The following SYMPK variants were observed in gnomAD, a reference collection of about 807,000 sequenced individuals.
SYMPK encodes the protein symplekin scaffold protein, also known as symplekin.
A neutral mutation model predicts 136.4 loss-of-function variants in SYMPK; 49 were observed. The observed-to-expected ratio is 0.36, with a 90% CI of 0.29 to 0.46. The LOEUF (loss-of-function observed/expected upper bound fraction) is 0.46, where lower values mean the gene tolerates loss of function less well. Ranked by LOEUF, SYMPK falls within the 20% of genes least tolerant of loss-of-function variation. SYMPK has a pLI of 1.00. For synonymous variants in SYMPK, 766 were observed against 713.0 expected, an observed-to-expected ratio of 1.07 and a Z score of -1.19; for missense variants, 1,365 against 1,690.0, an observed-to-expected ratio of 0.81 and a Z score of 3.37.
intron 7 of SYMPK, among the ~76,000 whole-genome samples, chr19:45,844,403 T>C (rs1480739566): frequency 6.6e-6 from 1 of 152,220 alleles, no homozygotes; most frequent in African/African-American, 2.4e-5. Flanking sequence ...CTAGACGCAG[T>C]GGCTCATGCC....
intron 22 of SYMPK, chr19:45,820,075 G>A (rs1032785088): frequency 2.6e-5 from 4 of 152,324 alleles, no homozygotes; most frequent in Non-Finnish European, 5.9e-5. Context: ...AGGATCTTCA[G>A]GGGCCTGGCT....
chr19:45,816,210 G>T, intron 25 of SYMPK, 27 bp from the exon 26 acceptor site: 1 of 1,449,492 alleles, frequency 6.9e-7, no homozygotes, highest in Non-Finnish European at 9.2e-7. Flanking sequence ...CCACACAGAA[G>T]CTCAGAGGTG....
chr19:45,852,538 G>A lies in SYMPK; in HGVS notation c.172-3C>T, dbSNP rs201969864. The A allele has an allele frequency of 1.3e-4, 214 of 1,614,028 alleles. No homozygotes were observed. Among genetic ancestry groups the A allele is most frequent in the Non-Finnish European group, 1.6e-4 (194 of 1,180,038 alleles). ...TTGTTGATGATCAGCTCCTGGACCT[G>A]GAAGGAGATTGGGGGTGGGGAGGAG... is the stretch of plus-strand genomic sequence containing the variant. On this transcript the variant is annotated splice_region_variant and splice_polypyrimidine_tract_variant and intron_variant, in intron 3 of 26. Transcript: ENST00000245934.
chr19:45,831,544 TCTC>T lies in SYMPK; in HGVS notation c.1435_1437del (p.Glu479del). ...AGGACGCTCTCTGTCTTCACCACCT[TCTC>T]CTCCTTGGGCTCCTCCTTGCACTGT... On this transcript the variant is annotated inframe_deletion, in exon 12 of 27. Transcript: ENST00000245934. 6.2e-7 allele frequency: 1 copy of T among 1,610,846 alleles called. No homozygotes were observed. The highest frequency in any genetic ancestry group is 8.5e-7 in the Non-Finnish European group (1 of 1,178,954).
intron 1 of SYMPK, among the ~76,000 whole-genome samples, chr19:45,861,404 T>TA (rs999893345): frequency 6.6e-6 from 1 of 151,688 alleles, no homozygotes; most frequent in African/African-American, 2.4e-5. Context: ...AAAATGAAAA[T>TA]AAAAAAACCC....
chr19:45,835,233 G>A lies in SYMPK; in HGVS notation c.1243-5C>T. On this transcript the variant is annotated splice_region_variant and splice_polypyrimidine_tract_variant and intron_variant, in intron 10 of 26. Transcript: ENST00000245934. ...GTACACCATGCTGATGAGGACCTGT[G>A]GGATGCCCAGGAAGAGAGCCTCTCC... is the stretch of plus-strand genomic sequence containing the variant. 1 of 1,580,980 alleles carries A rather than the reference G, an allele frequency of 6.3e-7. No homozygotes were observed. Among genetic ancestry groups the A allele is most frequent in the African/African-American group, 1.4e-5 (1 of 73,820 alleles).
chr19:45,821,645 C>T lies in SYMPK; in HGVS notation c.2792-160G>A, dbSNP rs536191698. On this transcript the variant is annotated intron_variant, in intron 21 of 26. Coordinates refer to ENST00000245934, the MANE Select transcript of SYMPK (RefSeq NM_004819.3). The surrounding 1 kb of genome is among the most constrained non-coding windows in gnomAD (Gnocchi z 4.4). ...AGCGACTGACAACATAAAAAGGGGA[C>T]ACCGAAGGCAGCAGCAGCCCTCAGG... Among the ~76,000 whole-genome samples, 5 of 152,296 alleles carry T rather than the reference C, an allele frequency of 3.3e-5. No homozygotes were observed. The highest frequency in any genetic ancestry group is 3.3e-4 in the Admixed American group (5 of 15,296).
At position 45,830,033 on chromosome 19, in the gene SYMPK, T is replaced by TG. The variant is rs1448416154; in HGVS notation, c.1749+20dup. 3.9e-6 allele frequency: 6 copies of TG among 1,532,258 alleles called. No homozygotes were observed. The South Asian group carries it at 6.0e-5, about 15-fold the overall frequency. The allele number at this position is 1,532,258 out of a possible 1,614,324, so 94.9% of individuals were successfully genotyped here. The stretch of plus-strand genomic sequence containing the variant: ...GGGTAGAGGGACTGGAAGGATGGGG[T>TG]GGGGGGTGGCAGGCGCACACCTGGG... On this transcript the variant is annotated intron_variant, in intron 13 of 26. Transcript: ENST00000245934.
chr19:45,830,695 C>T (rs1452788342), intron 12 of SYMPK: 1 of 153,140 alleles, frequency 6.5e-6, no homozygotes, highest in African/African-American at 2.4e-5. Flanking sequence ...CGAGACCATC[C>T]TGGTTAACAC....
intron 8 of SYMPK, 73 bp downstream of exon 8, chr19:45,843,942 CAAAAAAAAAAAAAAA>C (rs57025339): frequency 2.4e-5 from 6 of 245,004 alleles, no homozygotes; most frequent in African/African-American, 1.6e-4. Flanking sequence ...GACTCTGTCT[CAAAAAAAAAAAAAAA>C]AAAAAAAAAA....
chr19:45,816,194 G>A lies in SYMPK; in HGVS notation c.3355-11C>T, dbSNP rs1339373901. ...GGGCTCCAGATCATCCTGGGGATAG[G>A]GAGGGCCACACAGAAGCTCAGAGGT... On this transcript the variant is annotated splice_polypyrimidine_tract_variant and intron_variant, in intron 25 of 26. Coordinates refer to ENST00000245934, the MANE Select transcript of SYMPK (RefSeq NM_004819.3). 47 of 1,505,084 alleles carry A rather than the reference G, an allele frequency of 3.1e-5. No individual in the cohort carries two copies. In the East Asian group the frequency reaches 9.8e-4, roughly 31 times the overall value. The allele number at this position is 1,505,084 out of a possible 1,614,324, so 93.2% of individuals were successfully genotyped here.
chr19:45,827,963 G>A (rs373089945), intron 14 of SYMPK, 45 bp from the exon 15 acceptor site: 252 of 1,585,454 alleles, frequency 1.6e-4, no homozygotes, highest in East Asian at 7.4e-4. Context: ...GGAAGAGGCC[G>A]CCTGGCTCCC....
In SYMPK at chr19:45,854,205, G is replaced by A. The variant is rs977161212; in HGVS notation, c.141C>T (p.Thr47=). Residue 47 remains threonine, a synonymous_variant, in exon 3 of 27, where the codon ACC becomes ACT. Transcript: ENST00000245934. ...TGAGCACTGTGATCTTTGAGTCATT[G>A]GTGATCAGCGCCGCCTGGTTCAGAA... is the stretch of plus-strand genomic sequence containing the variant. ...VDLLNQAALI[T]NDSKITVLKQ... The A allele has an allele frequency of 7.4e-6, 12 of 1,614,156 alleles. No homozygotes were observed. Among genetic ancestry groups the A allele is most frequent in the Non-Finnish European group, 9.3e-6 (11 of 1,180,024 alleles).
intron 5 of SYMPK, 24 bp downstream of exon 5, chr19:45,852,288 G>A (rs146858002): frequency 9.0e-5 from 146 of 1,614,026 alleles, no homozygotes; most frequent in South Asian, 1.1e-4. Flanking sequence ...GAATGCTCCC[G>A]GGGCTCCGTG....
rs1301567797 is a variant in SYMPK, at chr19:45,838,536, G to A, written c.1167C>T (p.Ile389=). Residue 389 remains isoleucine (I), a synonymous_variant, in exon 10 of 27, where the codon ATC becomes ATT. Transcript: ENST00000245934. The part of the protein sequence containing the change: ...PSGTSKASAQ[I]SGQSDTDITA... ...TGATGTCCGTGTCTGACTGGCCGGAGATCTGCGCTGAGGCCTTCGAGGTCC... is the reference window on the plus strand; with the variant it reads ...TGATGTCCGTGTCTGACTGGCCGGAAATCTGCGCTGAGGCCTTCGAGGTCC... The A allele has an allele frequency of 6.2e-7, 1 of 1,614,034 alleles. No homozygotes were observed. The highest frequency in any genetic ancestry group is 1.3e-5 in the African/African-American group (1 of 74,922).
intron 25 of SYMPK, 87 bp downstream of exon 25, chr19:45,816,395 T>G: frequency 6.7e-7 from 1 of 1,485,868 alleles, no homozygotes; most frequent in Admixed American, 2.3e-5. Context: ...TCTCTCGGGG[T>G]CAGGAGGAGG....
intron 24 of SYMPK, 109 bp from the exon 25 acceptor site, chr19:45,816,686 G>A: frequency 2.6e-6 from 4 of 1,523,006 alleles, no homozygotes; most frequent in Non-Finnish European, 2.6e-6. Flanking sequence ...AGCAGTGCAG[G>A]GCCTTCTTGT....
rs138024159 is a variant in SYMPK, at chr19:45,834,323, G to A, written c.1393+755C>T. 2.6e-5 allele frequency among the ~76,000 whole-genome samples: 4 copies of A among 152,120 alleles called. No individual in the cohort carries two copies. The East Asian group carries it at 7.7e-4, about 29-fold the overall frequency. On this transcript the variant is annotated intron_variant, in intron 11 of 26. Transcript: ENST00000245934. The stretch of plus-strand genomic sequence containing the variant: ...ACAAAACAAAAGCTAGCCAGGCGTG[G>A]TGGCATGTGCCTGTAGTCCCAGCTA...
chr19:45,821,386 T>C lies in SYMPK; in HGVS notation c.2891A>G (p.Lys964Arg). The C allele has an allele frequency of 6.2e-7, 1 of 1,613,406 alleles. No homozygotes were observed. Among genetic ancestry groups the C allele is most frequent in the South Asian group, 1.1e-5 (1 of 91,058 alleles). The change falls in exon 22 of 27, where the codon AAA becomes AGA. Residue 964 changes from lysine to arginine, a missense_variant and splice_region_variant. Lys to Arg is a conservative substitution (Grantham distance 26). Coordinates refer to ENST00000245934, the MANE Select transcript of SYMPK (RefSeq NM_004819.3). This position sits in a 1 kb window ranked among gnomAD's most constrained non-coding sequence, Gnocchi z 4.4. Reference protein sequence around the residue: ...SVKCDMKSIIKATNLCFAERN... With the variant: ...SVKCDMKSIIRATNLCFAERN... The stretch of plus-strand genomic sequence containing the variant: ...GGAGTGGGGGGGAAGCGCCTCACCT[T>C]TGATGATGGATTTCATGTCGCACTT...
Sources: gnomAD v4.1 joint callset for allele counts (sites outside exome capture counted in the v4.1 genomes callset) on GRCh38, gnomAD v4.1.1 for gene constraint, Gnocchi (gnomAD v3.1) non-coding constraint, MANE v1.5 for transcripts, NCBI Gene and HGNC (gene_info 2026-07-23, HGNC 2026-07-21) for gene names.